The following NBEA variants were observed in gnomAD, a reference collection of about 807,000 sequenced individuals.
NBEA encodes the protein lysosomal-trafficking regulator 2.
NBEA carries 44 observed loss-of-function variants against 343.4 expected under a neutral mutation model. That is an observed-to-expected ratio of 0.13 (90% CI 0.10 to 0.16). NBEA has a LOEUF of 0.16. NBEA is among the 10% of genes least tolerant of loss of function. The pLI is 1.00. For synonymous variants in NBEA, 1,175 were observed against 1,238.7 expected, an observed-to-expected ratio of 0.95 and a Z score of 1.08; for missense variants, 2,555 against 3,631.3, an observed-to-expected ratio of 0.70 and a Z score of 7.62.
At chr13:35,456,122 T>C (rs2046569514) in intron 40 of NBEA, among the ~76,000 whole-genome samples, 1 of 152,098 alleles carries the variant, frequency 6.6e-6, no homozygotes, top group African/African-American at 2.4e-5. Flanking sequence ...AATAGAATGC[T>C]TTTAGTACAA....
intron 39 of NBEA, 131 bp from the exon 40 acceptor site, chr13:35,451,961 A>C: frequency 1.4e-6 from 1 of 702,976 alleles, no homozygotes; most frequent in Non-Finnish European, 2.4e-6. Context: ...AGAAGGTTAA[A>C]ATGTTCTGTA....
chr13:35,137,695 A>T (rs2067820859), intron 17 of NBEA, among the ~76,000 whole-genome samples: 1 of 151,738 alleles, frequency 6.6e-6, no homozygotes, highest in African/African-American at 2.4e-5. Context: ...ATTGTTATTT[A>T]TTGTGTTACT....
chr13:35,664,535 A>G (rs2085256370), intron 55 of NBEA, among the ~76,000 whole-genome samples: 1 of 152,258 alleles, frequency 6.6e-6, no homozygotes, highest in African/African-American at 2.4e-5. Context: ...TAAGTCCTTC[A>G]ATTTATGAAA....
intron 55 of NBEA, among the ~76,000 whole-genome samples, chr13:35,662,052 TA>T (rs36003525): frequency 3.9e-5 from 6 of 152,332 alleles, no homozygotes; most frequent in East Asian, 1.9e-4. Context: ...GCCATTTCTC[TA>T]AAAGCCAGAG....
At chr13:35,242,641 A>G (rs2030508290) in intron 34 of NBEA, among the ~76,000 whole-genome samples, 2 of 151,920 alleles carry the variant, frequency 1.3e-5, no homozygotes, top group South Asian at 4.1e-4. Flanking sequence ...AAAAGAAGCA[A>G]GAGAAAATTG....
At chr13:35,572,613 A>G (rs766006435) in intron 45 of NBEA, among the ~76,000 whole-genome samples, 7 of 152,206 alleles carry the variant, frequency 4.6e-5, no homozygotes, top group East Asian at 1.9e-4. Flanking sequence ...CTCTTCAACC[A>G]TCCACCCTCA....
chr13:35,475,408 C>A, intron 41 of NBEA: 1 of 1,613,730 alleles, frequency 6.2e-7, no homozygotes, highest in African/African-American at 1.3e-5. Context: ...TCTGCAGCCC[C>A]CCATCTGCAG....
At chr13:35,174,004 T>G (rs1393634345) in intron 27 of NBEA, among the ~76,000 whole-genome samples, 1 of 152,158 alleles carries the variant, frequency 6.6e-6, no homozygotes, top group East Asian at 1.9e-4. Context: ...TTAGTTTTCT[T>G]TCTAAATTAG....
chr13:35,344,918 A>G (rs1024173618), intron 36 of NBEA, among the ~76,000 whole-genome samples: 5 of 152,084 alleles, frequency 3.3e-5, no homozygotes, highest in African/African-American at 1.2e-4. Context: ...TCTTAATTAT[A>G]AGAGCAAACA....
At chr13:35,536,669 T>TAGAC (rs879468484) in intron 41 of NBEA, among the ~76,000 whole-genome samples, 34,266 of 151,564 alleles carry the variant, frequency 0.23, 5,639 homozygotes, top group African/African-American at 0.45. Context: ...GATAGATAGA[T>TAGAC]AGACAGACAG....
chr13:35,097,549 A>G (rs796270407), intron 10 of NBEA, among the ~76,000 whole-genome samples: 2 of 152,052 alleles, frequency 1.3e-5, no homozygotes, highest in East Asian at 1.9e-4. Flanking sequence ...TAAAATCATT[A>G]TATGTAACTG....
chr13:35,221,615 C>T (rs1299243641), intron 33 of NBEA, among the ~76,000 whole-genome samples: 1 of 151,808 alleles, frequency 6.6e-6, no homozygotes, highest in Non-Finnish European at 1.5e-5. Flanking sequence ...TGTTTTCTTC[C>T]AGAAAAAAAT....
intron 46 of NBEA, chr13:35,593,082 C>A: frequency 2.7e-6 from 1 of 375,290 alleles, no homozygotes; most frequent in Non-Finnish European, 4.8e-6. Context: ...GCACTGGAAC[C>A]CCATCATTTC....
intron 30 of NBEA, among the ~76,000 whole-genome samples, chr13:35,194,957 G>A (rs1593696064): frequency 6.6e-6 from 1 of 151,678 alleles, no homozygotes; most frequent in Non-Finnish European, 1.5e-5. Context: ...CAAAATATAG[G>A]CCTTGTCCTT....
At chr13:35,670,360 A>G (rs1202439393) in intron 58 of NBEA, among the ~76,000 whole-genome samples, 1 of 152,116 alleles carries the variant, frequency 6.6e-6, no homozygotes, top group Admixed American at 6.5e-5. Context: ...GGACATGTTG[A>G]ATCTGAGGGT....
At chr13:35,555,562 C>A (rs1324130140) in intron 44 of NBEA, among the ~76,000 whole-genome samples, 1 of 152,066 alleles carries the variant, frequency 6.6e-6, no homozygotes, top group African/African-American at 2.4e-5. Context: ...AATCAGATTA[C>A]ATTTTCTAAA....
chr13:35,628,040 A>G, intron 48 of NBEA, 41 bp from the exon 49 acceptor site: 5 of 1,534,274 alleles, frequency 3.3e-6, no homozygotes, highest in Non-Finnish European at 4.4e-6. Flanking sequence ...AAGGTGTACT[A>G]AGTTTTGATG....
intron 41 of NBEA, chr13:35,475,177 A>G: frequency 6.2e-7 from 1 of 1,614,050 alleles, no homozygotes; most frequent in Non-Finnish European, 8.5e-7. Flanking sequence ...TAAGTTCGGT[A>G]GAAAGTAGTG....
chr13:34,955,708 T>A (rs879570978), intron 1 of NBEA, among the ~76,000 whole-genome samples: 94 of 152,338 alleles, frequency 6.2e-4, no homozygotes, highest in African/African-American at 1.7e-3. Context: ...CATTTTTTTT[T>A]AAAATTCTAG....
Sources: gnomAD v4.1 joint callset for allele counts (sites outside exome capture counted in the v4.1 genomes callset) on GRCh38, gnomAD v4.1.1 for gene constraint, MANE v1.5 for transcripts, NCBI Gene and HGNC (gene_info 2026-07-23, HGNC 2026-07-21) for gene names.